CUL4A: variants seen among roughly 807,000 people sequenced by gnomAD.
CUL4A encodes the protein cullin 4A.
Under a neutral mutation model 95.5 loss-of-function variants are expected in CUL4A, and 16 were observed. The observed-to-expected ratio is 0.17, with a 90% CI of 0.11 to 0.25. CUL4A has a LOEUF of 0.25. Ranked by LOEUF, CUL4A falls within the 10% of genes least tolerant of loss-of-function variation. The pLI is 1.00. For missense variants in CUL4A, 610 were observed against 937.0 expected, an observed-to-expected ratio of 0.65 and a Z score of 4.56; for synonymous variants, 380 against 353.1, an observed-to-expected ratio of 1.08 and a Z score of -0.85.
chr13:113,228,086 A>G, intron 4 of CUL4A, 41 bp downstream of exon 4: 2 of 1,415,308 alleles, frequency 1.4e-6, no homozygotes, highest in South Asian at 1.2e-5. Flanking sequence ...GACCTCATCC[A>G]TCTTCCCTCA....
chr13:113,257,572 G>C (rs2042161649), intron 18 of CUL4A, among the ~76,000 whole-genome samples: 1 of 152,104 alleles, frequency 6.6e-6, no homozygotes. Flanking sequence ...AGGGAGGGAG[G>C]TGCCCCACAT....
Position 113,244,513 on chromosome 13 carries a change from C to T in CUL4A, c.1332C>T (p.His444=), listed in dbSNP as rs149195375. The change falls in exon 12 of 20, where the codon CAC becomes CAT. Residue 444 remains histidine, a splice_region_variant and synonymous_variant. Transcript: ENST00000375440. ...TCATGATCCTGTTCAGGTTTATCCA[C>T]GGTGAGACTCGGGCACTCAGAAAAT... is the stretch of plus-strand genomic sequence containing the variant. ...DKIMILFRFI[H]GKDVFEAFYK... is the part of the protein sequence containing the mutation. 2.8e-5 allele frequency: 45 copies of T among 1,606,314 alleles called. No individual in the cohort carries two copies. In the African/African-American group the frequency reaches 3.5e-4, roughly 12 times the overall value.
intron 18 of CUL4A, among the ~76,000 whole-genome samples, chr13:113,256,925 C>CTTT (rs1491171316): frequency 1.6e-4 from 6 of 37,274 alleles, no homozygotes; most frequent in Admixed American, 3.3e-4. Flanking sequence ...TTTTTTTTTT[C>CTTT]GTTTTTTTTT....
intron 18 of CUL4A, among the ~76,000 whole-genome samples, chr13:113,259,696 T>C (rs2042219152): frequency 6.6e-6 from 1 of 152,262 alleles, no homozygotes; most frequent in South Asian, 2.1e-4. Flanking sequence ...GAATATATCC[T>C]GATGGTCATT....
intron 2 of CUL4A, among the ~76,000 whole-genome samples, chr13:113,215,914 A>G (rs1309310172): frequency 1.2e-4 from 17 of 138,138 alleles, no homozygotes; most frequent in African/African-American, 3.7e-4. Flanking sequence ...GGTCTCGTCC[A>G]TGTGGCTGTG....
At chr13:113,247,879 G>A (rs754604115) in intron 15 of CUL4A, among the ~76,000 whole-genome samples, 1 of 152,160 alleles carries the variant, frequency 6.6e-6, no homozygotes, top group Non-Finnish European at 1.5e-5. Context: ...ATTTCTGTTG[G>A]TTGTCTCAGA....
At chr13:113,247,913 G>A (rs760794654) in intron 15 of CUL4A, among the ~76,000 whole-genome samples, 10 of 152,046 alleles carry the variant, frequency 6.6e-5, no homozygotes, top group Admixed American at 1.3e-4. Flanking sequence ...GTGTTTTTCC[G>A]GTACCCAGCT....
chr13:113,250,584 C>T (rs1366822124), intron 15 of CUL4A, among the ~76,000 whole-genome samples: 2 of 152,142 alleles, frequency 1.3e-5, no homozygotes, highest in African/African-American at 4.8e-5. Context: ...CAAACGATAG[C>T]ATTATGATGA....
intron 4 of CUL4A, 30 bp from the exon 5 acceptor site, chr13:113,229,416 A>C (rs1316613438): frequency 6.2e-7 from 1 of 1,600,078 alleles, no homozygotes; most frequent in Non-Finnish European, 8.6e-7. Context: ...TAGAATTCAT[A>C]AGTAAATGGT....
chr13:113,244,579 G>A (rs1366549188), intron 12 of CUL4A, 65 bp downstream of exon 12: 3 of 1,178,952 alleles, frequency 2.5e-6, no homozygotes, highest in Non-Finnish European at 3.7e-6. Context: ...TGCTTTCCCA[G>A]AGGAGGTTTA....
chr13:113,254,909 A>G (rs1432300118), intron 17 of CUL4A, 44 bp from the exon 18 acceptor site: 31 of 1,606,252 alleles, frequency 1.9e-5, no homozygotes, highest in Non-Finnish European at 2.6e-5. Flanking sequence ...GTTGAGTCTC[A>G]TTCGTTTAAC....
intron 3 of CUL4A, among the ~76,000 whole-genome samples, chr13:113,226,095 A>G (rs1053214300): frequency 6.6e-6 from 1 of 152,040 alleles, no homozygotes; most frequent in Middle Eastern, 3.2e-3. Flanking sequence ...ATTCCTCCTC[A>G]GGCTCTGCCT....
Position 113,240,947 on chromosome 13 carries a change from AT to A in CUL4A, c.1035+1401del, listed in dbSNP as rs570810963. Among the ~76,000 whole-genome samples the A allele has an allele frequency of 1.1e-4, 17 of 152,258 alleles. No homozygotes were observed. The South Asian group carries it at 3.1e-3, about 28-fold the overall frequency. On this transcript the variant is annotated intron_variant, in intron 10 of 19. Transcript: ENST00000375440. Reference sequence around the variant, plus strand: ...ATAAAGACACTGGGATTGCTTTGCTATTTTTACTATTATGCAAATCTGTCAT... The same window carrying A: ...ATAAAGACACTGGGATTGCTTTGCTATTTTACTATTATGCAAATCTGTCAT...
chr13:113,261,608 CT>C (rs1277908692), intron 19 of CUL4A, among the ~76,000 whole-genome samples: 3 of 152,192 alleles, frequency 2.0e-5, no homozygotes, highest in Non-Finnish European at 2.9e-5. Flanking sequence ...AGCAAGTCTC[CT>C]GTTGCCACTG....
At chr13:113,238,596 C>T (rs1355696276) in intron 9 of CUL4A, among the ~76,000 whole-genome samples, 1 of 151,968 alleles carries the variant, frequency 6.6e-6, no homozygotes, top group Non-Finnish European at 1.5e-5. Context: ...TAAAAAGATA[C>T]TTTTGAATTC....
chr13:113,209,979 C>CT lies in CUL4A; in HGVS notation c.156dup (p.Arg53SerfsTer59), dbSNP rs2040313776. ...CTCTCCCTCCGCCCTGCAGACAGAC[C>CT]TCGGCTGCCCGACAACTACACGCAG... On this transcript the variant is annotated frameshift_variant, in exon 2 of 20. Transcript: ENST00000375440. LOFTEE classifies it high-confidence loss of function. The CT allele has an allele frequency of 6.6e-7, 1 of 1,512,198 alleles. No individual in the cohort carries two copies. The highest frequency in any genetic ancestry group is 8.8e-7 in the Non-Finnish European group (1 of 1,131,324). 93.7% of individuals were successfully genotyped at this position (1,512,198 alleles called of 1,614,324 possible).
chr13:113,219,091 G>A, intron 3 of CUL4A, 43 bp downstream of exon 3: 2 of 1,272,926 alleles, frequency 1.6e-6, no homozygotes, highest in Non-Finnish European at 2.2e-6. Flanking sequence ...CATTATCTAA[G>A]TCTTTTAAAA....
intron 8 of CUL4A, among the ~76,000 whole-genome samples, chr13:113,236,046 C>T (rs1374725706): frequency 6.6e-6 from 1 of 151,032 alleles, no homozygotes; most frequent in East Asian, 1.9e-4. Context: ...TACAGATGTG[C>T]AGAACAGGAC....
At position 113,255,077 on chromosome 13, in the gene CUL4A, G is replaced by T; in HGVS notation, c.1983G>T (p.Lys661Asn). Residue 661 changes from lysine to asparagine, a missense_variant, in exon 18 of 20, where the codon AAG (lysine) becomes AAT (asparagine). Lys to Asn is a moderately conservative substitution (Grantham distance 94). Around this residue, in one of 10 missense-constraint regions of CUL4A, gnomAD observed 28 missense variants for 86.4 expected, o/e 0.32. Coordinates refer to ENST00000375440, the MANE Select transcript of CUL4A (RefSeq NM_001008895.4). ...GDKFIFNGEF[K>N]HKLFRIKINQ... ...AGTTCATTTTTAATGGAGAGTTCAAGCACAAGTTGTTTAGAATAAAGATCA... is the reference window on the plus strand; with the variant it reads ...AGTTCATTTTTAATGGAGAGTTCAATCACAAGTTGTTTAGAATAAAGATCA... 1 of 1,614,036 alleles carries T rather than the reference G, an allele frequency of 6.2e-7. No homozygotes were observed.
Sources: gnomAD v4.1 joint callset for allele counts (sites outside exome capture counted in the v4.1 genomes callset) on GRCh38, gnomAD v4.1.1 for gene constraint, gnomAD v4.1.1 regional missense constraint, MANE v1.5 for transcripts, NCBI Gene and HGNC (gene_info 2026-07-23, HGNC 2026-07-21) for gene names.